Variants in OR14A2 observed in about 807,000 individuals in gnomAD.
The protein encoded by OR14A2 is olfactory receptor family 14 subfamily A member 2.
For missense variants in OR14A2, 237 were observed against 152.9 expected, an observed-to-expected ratio of 1.55 and a Z score of -2.90; for synonymous variants, 114 against 58.6, an observed-to-expected ratio of 1.95 and a Z score of -4.32.
the OR14A2 span, among the ~76,000 whole-genome samples, chr1:247,732,468 A>G: frequency 6.6e-6 from 1 of 152,136 alleles, no homozygotes; most frequent in South Asian, 2.1e-4. Flanking sequence ...TAGGTTTCAC[A>G]TGTGCTTTCT....
At chr1:247,735,209 A>G in the OR14A2 span, among the ~76,000 whole-genome samples, 1 of 152,200 alleles carries the variant, frequency 6.6e-6, no homozygotes, top group African/African-American at 2.4e-5. Flanking sequence ...GAGTGAGAGG[A>G]GAAAAGAAAG....
At chr1:247,727,800 T>C (rs1428037307), upstream of OR14A2, among the ~76,000 whole-genome samples, 2 of 149,302 alleles carry the variant, frequency 1.3e-5, no homozygotes, top group African/African-American at 2.5e-5. Flanking sequence ...AACACCTCTA[T>C]GCAAATAAAC....
chr1:247,736,175 CCT>C, the OR14A2 span, among the ~76,000 whole-genome samples: 1 of 144,808 alleles, frequency 6.9e-6, no homozygotes, highest in African/African-American at 2.7e-5. Flanking sequence ...CCTCCCCTCT[CCT>C]CTCCTCTCCT....
At chr1:247,743,242 C>A in the OR14A2 span, among the ~76,000 whole-genome samples, 1 of 152,198 alleles carries the variant, frequency 6.6e-6, no homozygotes, top group East Asian at 1.9e-4. Flanking sequence ...CAGAGCACCC[C>A]CTACCCATGG....
chr1:247,736,933 C>T, the OR14A2 span, among the ~76,000 whole-genome samples: 1 of 152,142 alleles, frequency 6.6e-6, no homozygotes, highest in Non-Finnish European at 1.5e-5. Context: ...TCCATTTGCT[C>T]ATGAGTCTTT....
exon 1 of OR14A2, chr1:247,724,009 A>G: frequency 1.4e-6 from 1 of 714,902 alleles, no homozygotes; most frequent in South Asian, 1.5e-5. Flanking sequence ...AAACCCCATA[A>G]GAAGAAATCC....
At chr1:247,730,697 A>G in the OR14A2 span, among the ~76,000 whole-genome samples, 3 of 152,106 alleles carry the variant, frequency 2.0e-5, no homozygotes, top group African/African-American at 7.2e-5. Flanking sequence ...AGGGTTCTCC[A>G]GAGAAACAAA....
chr1:247,725,440 T>A (rs1392854480), upstream of OR14A2, among the ~76,000 whole-genome samples: 1 of 151,830 alleles, frequency 6.6e-6, no homozygotes, highest in African/African-American at 2.4e-5. Flanking sequence ...GGAAGATAAT[T>A]AATTGTTTTT....
the OR14A2 span, among the ~76,000 whole-genome samples, chr1:247,730,854 T>G: frequency 2.6e-5 from 4 of 152,060 alleles, no homozygotes; most frequent in Non-Finnish European, 5.9e-5. Flanking sequence ...TGTACTCTCA[T>G]TGGATTGGAT....
the OR14A2 span, chr1:247,739,410 T>A: frequency 1.3e-6 from 1 of 780,830 alleles, no homozygotes; most frequent in Non-Finnish European, 2.4e-6. Flanking sequence ...TGATGCACCT[T>A]CTATTCTAGA....
upstream of OR14A2, among the ~76,000 whole-genome samples, chr1:247,728,150 T>C (rs936748515): frequency 6.6e-6 from 1 of 151,996 alleles, no homozygotes; most frequent in African/African-American, 2.4e-5. Flanking sequence ...ATATCCTTGA[T>C]GAACATTGAT....
the OR14A2 span, among the ~76,000 whole-genome samples, chr1:247,747,651 C>G: frequency 6.6e-6 from 1 of 152,104 alleles, no homozygotes; most frequent in African/African-American, 2.4e-5. Flanking sequence ...CGTGAGGCAC[C>G]GCGCCCGGGC....
the OR14A2 span, among the ~76,000 whole-genome samples, chr1:247,747,709 C>G: frequency 6.6e-6 from 1 of 152,126 alleles, no homozygotes; most frequent in Non-Finnish European, 1.5e-5. Flanking sequence ...GATTTGGTCT[C>G]AGTATTTACG....
the OR14A2 span, among the ~76,000 whole-genome samples, chr1:247,735,416 A>G: frequency 2.0e-5 from 3 of 152,226 alleles, no homozygotes; most frequent in African/African-American, 7.2e-5. Context: ...CATTAGTCAC[A>G]TATTATGGAT....
At chr1:247,741,045 C>A in the OR14A2 span, among the ~76,000 whole-genome samples, 3 of 152,004 alleles carry the variant, frequency 2.0e-5, no homozygotes, top group Non-Finnish European at 4.4e-5. Context: ...TTCTATTTGC[C>A]CAAATTCTAC....
At chr1:247,739,448 C>G in the OR14A2 span, 2 of 780,760 alleles carry the variant, frequency 2.6e-6, 1 homozygote, top group South Asian at 2.7e-5. Context: ...TCTATTCTGT[C>G]GCACCTCCAA....
chr1:247,746,938 C>T, the OR14A2 span: 3 of 152,128 alleles, frequency 2.0e-5, no homozygotes, highest in African/African-American at 7.2e-5. Flanking sequence ...TATCCTCCTA[C>T]ACATAATCCA....
At chr1:247,727,165 G>A (rs1266158757), upstream of OR14A2, among the ~76,000 whole-genome samples, 339 of 149,024 alleles carry the variant, frequency 2.3e-3, 1 homozygote, top group Non-Finnish European at 2.6e-3. Flanking sequence ...CTACCCATGA[G>A]CATGGAATGT....
At chr1:247,726,230 G>T (rs1660352198), upstream of OR14A2, among the ~76,000 whole-genome samples, 1 of 122,262 alleles carries the variant, frequency 8.2e-6, no homozygotes, top group South Asian at 2.7e-4. Context: ...CATTCTAACT[G>T]GTGTGAGATG....
Sources: gnomAD v4.1 joint callset for allele counts (sites outside exome capture counted in the v4.1 genomes callset) on GRCh38, gnomAD v4.1.1 for gene constraint, MANE v1.5 for transcripts, NCBI Gene and HGNC (gene_info 2026-07-23, HGNC 2026-07-21) for gene names.